Variants in RMDN2 observed in about 807,000 individuals in gnomAD.
RMDN2 encodes the protein regulator of microtubule dynamics 2.
Under a neutral mutation model 52.8 loss-of-function variants are expected in RMDN2, and 61 were observed. That is an observed-to-expected ratio of 1.16 (90% CI 0.94 to 1.43). RMDN2 has a LOEUF of 1.43. Among genes scored for constraint, RMDN2 ranks in the 40% most tolerant of loss-of-function variants. The pLI, the probability that RMDN2 is intolerant of heterozygous loss-of-function variation, is 0.00. For missense variants in RMDN2, 592 were observed against 475.3 expected (o/e 1.25, Z -2.28); for synonymous variants, 180 against 153.1 (o/e 1.18, Z -1.30).
At chr2:38,038,863 A>G (rs1377679254) in intron 10 of RMDN2, among the ~76,000 whole-genome samples, 1 of 151,966 alleles carries the variant, frequency 6.6e-6, no homozygotes, top group Non-Finnish European at 1.5e-5. Context: ...CTCCCATCCC[A>G]TCCCTGCCCT....
intron 2 of RMDN2, among the ~76,000 whole-genome samples, chr2:37,968,438 CA>C (rs71400332): frequency 0.021 from 1,857 of 89,004 alleles, 11 homozygotes; most frequent in African/African-American, 0.052. Flanking sequence ...GACTCTGTCT[CA>C]AAAAAAAAAA....
Position 37,929,364 on chromosome 2 carries a change from G to GAT in RMDN2, c.87_88insAT (p.Val30MetfsTer7). 1.9e-6 allele frequency: 3 copies of GAT among 1,551,890 alleles called. No homozygotes were observed. The highest frequency in any genetic ancestry group is 2.6e-6 in the Non-Finnish European group (3 of 1,146,938). On this transcript the variant is annotated frameshift_variant, in exon 2 of 11. Transcript: ENST00000354545. LOFTEE classifies it high-confidence loss of function. ...GCTTGCTGCTCTTGTGGTACCACAAGGTCCGTAAACCAGGGATAGCAATGA... is the reference window on the plus strand; with the variant it reads ...GCTTGCTGCTCTTGTGGTACCACAAGATGTCCGTAAACCAGGGATAGCAATGA...
At chr2:37,966,365 C>T (rs1433238389) in intron 2 of RMDN2, among the ~76,000 whole-genome samples, 6 of 151,512 alleles carry the variant, frequency 4.0e-5, no homozygotes, top group Admixed American at 6.6e-5. Flanking sequence ...TACAGTGAGC[C>T]GAGATCATGC....
chr2:38,006,435 A>G (rs985242758), intron 10 of RMDN2, among the ~76,000 whole-genome samples: 7 of 152,066 alleles, frequency 4.6e-5, no homozygotes, highest in East Asian at 3.9e-4. Context: ...TTGTAAGTTG[A>G]ATTCCTAGGT....
intron 10 of RMDN2, among the ~76,000 whole-genome samples, chr2:38,043,646 T>A (rs890075405): frequency 1.4e-4 from 22 of 152,134 alleles, no homozygotes; most frequent in Non-Finnish European, 2.9e-5. Flanking sequence ...TTTACTATAT[T>A]ATAATTCTTT....
rs2116230 is a variant in RMDN2 at position 38,042,401 on chromosome 2, C to T, written c.1714-24581C>T. Among the ~76,000 whole-genome samples, 693 of 110,028 alleles carry T rather than the reference C, an allele frequency of 6.3e-3. 20 individuals carry two copies. Among genetic ancestry groups the T allele is most frequent in the Admixed American group, 0.058 (631 of 10,872 alleles). The allele number at this position is 110,028 out of a possible 152,430, so 72.2% of individuals were successfully genotyped here. Reference sequence around the variant, plus strand: ...ATTGATCTTTTCCAAAACCTCCCCCCGCCACACACACACACACACACACCA... The same window carrying T: ...ATTGATCTTTTCCAAAACCTCCCCCTGCCACACACACACACACACACACCA... On this transcript the variant is annotated intron_variant, in intron 10 of 10. Coordinates refer to the RMDN2 transcript ENST00000234195.
chr2:37,974,014 G>C (rs1242084345), intron 2 of RMDN2, 26 bp from the exon 3 acceptor site: 3 of 1,574,822 alleles, frequency 1.9e-6, no homozygotes, highest in Admixed American at 1.7e-5. Context: ...TTTCAAAGGA[G>C]TTGATGATTA....
Position 38,045,004 on chromosome 2 carries a change from AT to A in RMDN2, c.1714-21968del, listed in dbSNP as rs140336253. Among the ~76,000 whole-genome samples the A allele has an allele frequency of 5.5e-3, 824 of 149,812 alleles. 4 individuals carry two copies. Among genetic ancestry groups the A allele is most frequent in the South Asian group, 9.3e-3 (44 of 4,744 alleles). On this transcript the variant is annotated intron_variant, in intron 10 of 10. Coordinates refer to the RMDN2 transcript ENST00000234195. ...ATGCATTCAAGCTCTTATTCTAGAT[AT>A]TTTTTTTTTCTGTTTTATGGTATCA...
Position 37,991,569 on chromosome 2 carries a change from A to G in RMDN2, c.945+272A>G, listed in dbSNP as rs148827360. ...ATTTGTATGTTATATGCCACATTTT[A>G]TATATATGTGATCTTTTTCTTTCCT... On this transcript the variant is annotated intron_variant, in intron 7 of 10. Transcript: ENST00000354545. 6.7e-3 allele frequency among the ~76,000 whole-genome samples: 1,023 copies of G among 152,146 alleles called. 6 individuals carry two copies. The highest frequency in any genetic ancestry group is 0.023 in the African/African-American group (967 of 41,522).
chr2:37,929,750 T>G, intron 2 of RMDN2, 21 bp downstream of exon 2: 1 of 1,439,162 alleles, frequency 6.9e-7, no homozygotes, highest in Non-Finnish European at 9.2e-7. Context: ...TTAAGATATT[T>G]CCTATGTTGA....
intron 2 of RMDN2, among the ~76,000 whole-genome samples, chr2:37,937,546 ATTTG>A (rs1414371060): frequency 1.3e-5 from 2 of 152,120 alleles, no homozygotes; most frequent in Non-Finnish European, 2.9e-5. Context: ...ATGTTTTTCC[ATTTG>A]TTTGTGTCCT....
At position 37,942,262 on chromosome 2, in the gene RMDN2, C is replaced by T. The variant is rs1442400245; in HGVS notation, c.452+12533C>T. 2.0e-5 allele frequency among the ~76,000 whole-genome samples: 3 copies of T among 152,132 alleles called. No individual in the cohort carries two copies. In the East Asian group the frequency reaches 5.8e-4, roughly 29 times the overall value. On this transcript the variant is annotated intron_variant, in intron 2 of 10. Coordinates refer to ENST00000354545, the MANE Select transcript of RMDN2 (RefSeq NM_001170791.3). ...GTCTAACCTGTCCCAATGAGATGCA[C>T]CAGGTACCTCAGTTGGAAATGCAGA... is the stretch of plus-strand genomic sequence containing the variant.
chr2:37,988,404 T>G (rs956808228), intron 5 of RMDN2, among the ~76,000 whole-genome samples: 22 of 152,222 alleles, frequency 1.4e-4, no homozygotes, highest in Admixed American at 6.5e-5. Flanking sequence ...TACGTTGATA[T>G]GGTCCTCCTC....
intron 5 of RMDN2, among the ~76,000 whole-genome samples, chr2:37,985,155 G>A (rs886796556): frequency 6.6e-6 from 1 of 152,032 alleles, no homozygotes; most frequent in Non-Finnish European, 1.5e-5. Flanking sequence ...AACTTGGAGA[G>A]AATATGTTGA....
Position 37,981,344 on chromosome 2 carries a change from G to GT in RMDN2, c.791+2dup. 6.3e-7 allele frequency: 1 copy of GT among 1,594,948 alleles called. No homozygotes were observed. Among genetic ancestry groups the GT allele is most frequent in the Non-Finnish European group, 8.6e-7 (1 of 1,162,644 alleles). ...CCATGAATGGACATTGTCATCTGTGGTAAGTGTATAGGATTTATGCAGTCT... is the reference window on the plus strand; with the variant it reads ...CCATGAATGGACATTGTCATCTGTGGTTAAGTGTATAGGATTTATGCAGTCT... On this transcript the variant is annotated splice_donor_variant, in intron 5 of 10. Transcript: ENST00000354545. LOFTEE classifies it high-confidence loss of function.
chr2:37,975,700 T>TA lies in RMDN2; in HGVS notation c.730+395dup, dbSNP rs528973543. Reference sequence around the variant, plus strand: ...ATGTATGCAAGAACTTAAAGTGTAATAAAAAAAAAGATCTATAGTAAATCA... The same window carrying TA: ...ATGTATGCAAGAACTTAAAGTGTAATAAAAAAAAAAGATCTATAGTAAATCA... On this transcript the variant is annotated intron_variant, in intron 4 of 10. Transcript: ENST00000354545. Among the ~76,000 whole-genome samples the TA allele has an allele frequency of 9.4e-3, 1,413 of 150,998 alleles. 25 individuals are homozygous for TA. The highest frequency in any genetic ancestry group is 0.031 in the African/African-American group (1,278 of 41,160).
chr2:37,922,600 C>T (rs1415427390), upstream of RMDN2, among the ~76,000 whole-genome samples: 1 of 152,194 alleles, frequency 6.6e-6, no homozygotes, highest in Non-Finnish European at 1.5e-5. Flanking sequence ...TGAAGATGTT[C>T]ACAGCCTCAC....
chr2:37,977,697 T>G (rs12712568), intron 4 of RMDN2, among the ~76,000 whole-genome samples: 1 of 151,242 alleles, frequency 6.6e-6, no homozygotes, highest in African/African-American at 2.4e-5. Flanking sequence ...CGCGGCCGGG[T>G]AGAGGCGCTC....
chr2:38,036,408 C>T (rs562531637), intron 10 of RMDN2: 212 of 152,310 alleles, frequency 1.4e-3, no homozygotes, highest in African/African-American at 4.7e-3. Flanking sequence ...TTGTTTGTAA[C>T]AGGCACTCAC....
Sources: allele counts gnomAD v4.1 joint callset (sites outside exome capture counted in the v4.1 genomes callset), GRCh38; gene constraint gnomAD v4.1.1; transcripts MANE v1.5; gene names NCBI Gene and HGNC (gene_info 2026-07-23, HGNC 2026-07-21).